Variants in NPHP4 observed in about 807,000 individuals in gnomAD.
NPHP4 encodes nephrocystin 4, also known as nephrocystin-4.
NPHP4 carries 151 observed loss-of-function variants against 155.8 expected under a neutral mutation model. That is an observed-to-expected ratio of 0.97 (90% CI 0.85 to 1.11). The LOEUF is 1.11. Among genes scored for constraint, NPHP4 ranks in the 50% least tolerant of loss-of-function variants. The pLI, the probability that NPHP4 is intolerant of heterozygous loss-of-function variation, is 0.00. For synonymous variants in NPHP4, 845 were observed against 816.8 expected (o/e 1.03, Z -0.59); for missense variants, 1,956 against 1,925.7 (o/e 1.02, Z -0.29).
chr1:5,920,272 G>A (rs921206448), intron 11 of NPHP4, among the ~76,000 whole-genome samples: 7 of 151,916 alleles, frequency 4.6e-5, no homozygotes, highest in Admixed American at 3.3e-4. Flanking sequence ...TGTTACCCAG[G>A]CTGATCTCGA....
intron 17 of NPHP4, chr1:5,888,519 C>A: frequency 7.6e-7 from 1 of 1,315,018 alleles, no homozygotes; most frequent in Non-Finnish European, 1.0e-6. Flanking sequence ...GTCGCTTTGC[C>A]ACACTCGTCT....
In NPHP4 at chr1:5,882,652, C is replaced by T. The variant is rs1643404333; in HGVS notation, c.2486-2413G>A. The T allele has an allele frequency of 6.5e-6, 1 of 153,040 alleles. No individual in the cohort carries two copies. Among genetic ancestry groups the T allele is most frequent in the Non-Finnish European group, 1.5e-5 (1 of 68,654 alleles). 9.5% of individuals were successfully genotyped at this position (153,040 alleles called of 1,614,324 possible). On this transcript the variant is annotated intron_variant, in intron 18 of 29. Transcript: ENST00000378156. This position sits in a 1 kb window ranked among gnomAD's most constrained non-coding sequence, Gnocchi z 5.1. ...GCACCTGCAGCGTCCACTCAGTCCT[C>T]ACTCCAAGCCAGCTTCCTGGGAACG...
chr1:5,973,057 A>C (rs1466292031), intron 3 of NPHP4, among the ~76,000 whole-genome samples: 1 of 152,050 alleles, frequency 6.6e-6, no homozygotes, highest in Non-Finnish European at 1.5e-5. Context: ...GCTAATCTTT[A>C]AATTTTTAGT....
intron 11 of NPHP4, among the ~76,000 whole-genome samples, chr1:5,924,247 A>G (rs1645885519): frequency 6.6e-6 from 1 of 152,156 alleles, no homozygotes; most frequent in Non-Finnish European, 1.5e-5. Context: ...CTGTGAGGCA[A>G]TTTCTGGCAG....
intron 9 of NPHP4, among the ~76,000 whole-genome samples, chr1:5,942,604 A>AT (rs1160924633): frequency 6.9e-6 from 1 of 144,632 alleles, no homozygotes; most frequent in Non-Finnish European, 1.5e-5. Context: ...AAAAAAAAAA[A>AT]GCTGAGGAAC....
chr1:5,946,986 TATTA>T, intron 9 of NPHP4, 114 bp downstream of exon 9: 1 of 1,081,974 alleles, frequency 9.2e-7, no homozygotes. Context: ...GATTTTTACT[TATTA>T]TTTATAATAA....
chr1:5,919,810 GTTCACTGCAGCCTCGAA>G (rs1408315930), intron 11 of NPHP4, among the ~76,000 whole-genome samples: 1 of 151,960 alleles, frequency 6.6e-6, no homozygotes, highest in Non-Finnish European at 1.5e-5. Flanking sequence ...CGTGATCATA[GTTCACTGCAGCCTCGAA>G]TTCCTGGGTT....
At chr1:5,914,975 T>C (rs1418444477) in intron 11 of NPHP4, among the ~76,000 whole-genome samples, 1 of 152,236 alleles carries the variant, frequency 6.6e-6, no homozygotes, top group Non-Finnish European at 1.5e-5. Context: ...GCTGCCAGCC[T>C]GCCACTGAGC....
At chr1:5,962,063 T>C in intron 5 of NPHP4, 114 bp from the exon 6 acceptor site, 1 of 731,334 alleles carries the variant, frequency 1.4e-6, no homozygotes, top group Non-Finnish European at 2.2e-6. Flanking sequence ...AAAGGACTTT[T>C]CTAGGGAGAG....
chr1:5,991,788 A>AG (rs1258194146), intron 1 of NPHP4, among the ~76,000 whole-genome samples: 1 of 133,038 alleles, frequency 7.5e-6, no homozygotes, highest in African/African-American at 2.7e-5. Flanking sequence ...GGCGGGGAGG[A>AG]GGGGCGGAGG....
At chr1:5,980,135 C>G (rs561474708) in intron 2 of NPHP4, among the ~76,000 whole-genome samples, 1 of 152,278 alleles carries the variant, frequency 6.6e-6, no homozygotes, top group East Asian at 1.9e-4. Flanking sequence ...CCTCCCTGGC[C>G]CAGTCCTCCC....
chr1:5,864,762 G>A, intron 27 of NPHP4: 2 of 540,242 alleles, frequency 3.7e-6, no homozygotes, highest in Non-Finnish European at 3.3e-6. Context: ...CAGAACTGAA[G>A]CCATCTTGGG....
chr1:5,887,033 C>G (rs1257231226), intron 18 of NPHP4: 2 of 475,236 alleles, frequency 4.2e-6, no homozygotes, highest in East Asian at 3.3e-5. Context: ...TAGCAACAAA[C>G]AACAACATGC....
Position 5,890,583 on chromosome 1 carries a change from G to A in NPHP4, c.2304+285C>T, listed in dbSNP as rs1207535849. On this transcript the variant is annotated intron_variant, in intron 17 of 29. Transcript: ENST00000378156. This position sits in a 1 kb window ranked among gnomAD's most constrained non-coding sequence, Gnocchi z 4.9. Reference sequence around the variant, plus strand: ...CATTCACCACATGGGAGGAGATGAAGTGACACTGCCTGGTAGGTCAGTTTG... The same window carrying A: ...CATTCACCACATGGGAGGAGATGAAATGACACTGCCTGGTAGGTCAGTTTG... Among the ~76,000 whole-genome samples, 1 of 152,182 alleles carries A rather than the reference G, an allele frequency of 6.6e-6. No homozygotes were observed. Among genetic ancestry groups the A allele is most frequent in the Non-Finnish European group, 1.5e-5 (1 of 68,030 alleles).
chr1:5,965,595 C>A (rs890397644), intron 5 of NPHP4, among the ~76,000 whole-genome samples: 11 of 152,172 alleles, frequency 7.2e-5, no homozygotes, highest in Admixed American at 5.2e-4. Flanking sequence ...ACTGAAGGGA[C>A]CTCCTCTTGG....
chr1:5,870,788 C>T (rs1641918809), intron 23 of NPHP4, among the ~76,000 whole-genome samples: 1 of 152,244 alleles, frequency 6.6e-6, no homozygotes, highest in Non-Finnish European at 1.5e-5. Context: ...TAACCTGGGT[C>T]TAACTGAAAC....
At chr1:5,877,937 C>T (rs181395701) in intron 19 of NPHP4, among the ~76,000 whole-genome samples, 1 of 152,376 alleles carries the variant, frequency 6.6e-6, no homozygotes, top group East Asian at 1.9e-4. Context: ...GGCTCAGCCA[C>T]TACTGGATGG....
intron 9 of NPHP4, among the ~76,000 whole-genome samples, chr1:5,946,623 G>A (rs756939901): frequency 1.3e-5 from 2 of 152,190 alleles, no homozygotes; most frequent in Non-Finnish European, 2.9e-5. Context: ...CGGAATCTCC[G>A]AAGTGCTATC....
chr1:5,959,719 T>C (rs941562171), intron 6 of NPHP4, among the ~76,000 whole-genome samples: 48 of 151,416 alleles, frequency 3.2e-4, no homozygotes, highest in Admixed American at 1.1e-3. Context: ...AGTCCCAAGA[T>C]CAGTATCCAC....
Sources: allele counts gnomAD v4.1 joint callset (sites outside exome capture counted in the v4.1 genomes callset), GRCh38; gene constraint gnomAD v4.1.1; non-coding constraint Gnocchi (gnomAD v3.1); transcripts MANE v1.5; gene names NCBI Gene and HGNC (gene_info 2026-07-23, HGNC 2026-07-21).